SLC9C1: variants seen among roughly 807,000 people sequenced by gnomAD.
The protein encoded by SLC9C1 is solute carrier family 9 member C1.
A neutral mutation model predicts 140.9 loss-of-function variants in SLC9C1; 97 were observed. That is an observed-to-expected ratio of 0.69 (90% CI 0.58 to 0.82). The LOEUF (loss-of-function observed/expected upper bound fraction) is 0.82. SLC9C1 is among the 40% of genes least tolerant of loss of function. SLC9C1 has a pLI of 0.00. For synonymous variants in SLC9C1, 440 were observed against 442.6 expected, an observed-to-expected ratio of 0.99 and a Z score of 0.07; for missense variants, 1,340 against 1,389.3, an observed-to-expected ratio of 0.96 and a Z score of 0.56.
chr3:112,193,268 C>A (rs534535580), intron 20 of SLC9C1, among the ~76,000 whole-genome samples: 25 of 152,282 alleles, frequency 1.6e-4, no homozygotes, highest in African/African-American at 5.8e-4. Flanking sequence ...AGGGTTGGAG[C>A]CATGGGTCTG....
chr3:112,242,721 A>G (rs1393116520), intron 11 of SLC9C1, among the ~76,000 whole-genome samples: 1 of 152,204 alleles, frequency 6.6e-6, no homozygotes, highest in Non-Finnish European at 1.5e-5. Context: ...ACCTGAGGTG[A>G]TGGATACTCC....
chr3:112,174,433 A>C (rs1312237622), intron 23 of SLC9C1, among the ~76,000 whole-genome samples: 1 of 152,138 alleles, frequency 6.6e-6, no homozygotes, highest in East Asian at 1.9e-4. Context: ...TGTAGCCCTC[A>C]GGCTCTTTGT....
At chr3:112,279,992 A>G (rs1229064813) in intron 3 of SLC9C1, among the ~76,000 whole-genome samples, 1 of 152,222 alleles carries the variant, frequency 6.6e-6, no homozygotes, top group Non-Finnish European at 1.5e-5. Context: ...AGTAAAGCTT[A>G]TAGAAGTACT....
chr3:112,236,044 G>A (rs1259123693), intron 12 of SLC9C1, among the ~76,000 whole-genome samples: 2 of 152,134 alleles, frequency 1.3e-5, no homozygotes, highest in Non-Finnish European at 1.5e-5. Context: ...AGAAGGAATG[G>A]TACCAGCTCC....
chr3:112,229,635 ATG>A (rs2078769732), intron 13 of SLC9C1, among the ~76,000 whole-genome samples: 2 of 151,880 alleles, frequency 1.3e-5, no homozygotes, highest in African/African-American at 4.8e-5. Context: ...GTGTGCGTGT[ATG>A]TGTGTGTGTA....
intron 2 of SLC9C1, 91 bp from the exon 3 acceptor site, chr3:112,280,874 T>C (rs2108347950): frequency 8.6e-7 from 1 of 1,165,862 alleles, no homozygotes; most frequent in South Asian, 1.4e-5. Flanking sequence ...GTGAACAATG[T>C]CTTACAGTTT....
chr3:112,165,167 A>G (rs550045972), intron 26 of SLC9C1, among the ~76,000 whole-genome samples: 28 of 151,962 alleles, frequency 1.8e-4, no homozygotes, highest in African/African-American at 5.6e-4. Context: ...CTAGTTAGCC[A>G]TTCGTCTAAG....
chr3:112,242,807 A>C (rs1242695987), intron 11 of SLC9C1, among the ~76,000 whole-genome samples: 2 of 152,080 alleles, frequency 1.3e-5, no homozygotes, highest in Non-Finnish European at 2.9e-5. Flanking sequence ...ATATACAACT[A>C]CTATGTATCC....
At chr3:112,277,611 C>T (rs572625595) in intron 5 of SLC9C1, 84 bp downstream of exon 5, 34 of 1,228,194 alleles carry the variant, frequency 2.8e-5, no homozygotes, top group South Asian at 1.4e-4. Context: ...CAGTGAAAAG[C>T]TACCAAAAGC....
At chr3:112,211,990 TA>T (rs2078221525) in intron 15 of SLC9C1, among the ~76,000 whole-genome samples, 1 of 152,116 alleles carries the variant, frequency 6.6e-6, no homozygotes, top group Non-Finnish European at 1.5e-5. Context: ...CAAGGCCGAG[TA>T]ACCCTCTGAG....
intron 20 of SLC9C1, among the ~76,000 whole-genome samples, chr3:112,188,138 A>G (rs976336461): frequency 9.9e-5 from 15 of 152,200 alleles, no homozygotes; most frequent in African/African-American, 3.6e-4. Context: ...GCTGTTTATA[A>G]TATATGTTTG....
chr3:112,160,458 C>T (rs1268618481), intron 26 of SLC9C1, among the ~76,000 whole-genome samples: 1 of 142,664 alleles, frequency 7.0e-6, no homozygotes, highest in Non-Finnish European at 1.5e-5. Flanking sequence ...TGTGATGTTC[C>T]CCTTCCTGTG....
intron 13 of SLC9C1, among the ~76,000 whole-genome samples, chr3:112,222,059 A>G (rs202011279): frequency 6.7e-6 from 1 of 149,730 alleles, no homozygotes; most frequent in African/African-American, 2.5e-5. Flanking sequence ...GGATGAAAAA[A>G]CTTTTCCCAT....
chr3:112,188,841 C>A (rs537909043), intron 20 of SLC9C1, among the ~76,000 whole-genome samples: 2 of 152,198 alleles, frequency 1.3e-5, no homozygotes, highest in African/African-American at 4.8e-5. Context: ...CTAGTTTACA[C>A]TCCCACCAAC....
intron 2 of SLC9C1, among the ~76,000 whole-genome samples, chr3:112,285,188 A>G (rs934449400): frequency 6.6e-6 from 1 of 151,968 alleles, no homozygotes; most frequent in Non-Finnish European, 1.5e-5. Context: ...GTGTTTCACC[A>G]TGTTAGCCAG....
At chr3:112,217,247 C>T (rs2078404704) in intron 15 of SLC9C1, among the ~76,000 whole-genome samples, 195 bp downstream of exon 15, 1 of 152,064 alleles carries the variant, frequency 6.6e-6, no homozygotes, top group South Asian at 2.1e-4. Flanking sequence ...GGAGATATAC[C>T]TAATGTAAAT....
Position 112,278,783 on chromosome 3 carries a change from GA to G in SLC9C1, c.263del (p.Phe88SerfsTer22). On this transcript the variant is annotated frameshift_variant, in exon 4 of 29. Transcript: ENST00000305815. LOFTEE classifies it high-confidence loss of function. ...TATCCATGTCAAATGCAGTAGTAAA[GA>G]AAACTACTGGTGTAAATATACGAAA... ...LFFRIFTPVVFFTTAFDMDTY... is the reference protein window; with the variant it reads ...LFFRIFTPVVXFTTAFDMDTY... 1 of 1,610,996 alleles carries G rather than the reference GA, an allele frequency of 6.2e-7. No individual in the cohort carries two copies. Among genetic ancestry groups the G allele is most frequent in the Non-Finnish European group, 8.5e-7 (1 of 1,178,684 alleles).
At chr3:112,155,643 G>A (rs1168919050) in intron 26 of SLC9C1, among the ~76,000 whole-genome samples, 2 of 151,982 alleles carry the variant, frequency 1.3e-5, no homozygotes, top group African/African-American at 2.4e-5. Context: ...GAGAATTTCA[G>A]GAAAAATGAA....
At chr3:112,225,924 T>G (rs1280751038) in intron 13 of SLC9C1, among the ~76,000 whole-genome samples, 1 of 152,034 alleles carries the variant, frequency 6.6e-6, no homozygotes, top group Non-Finnish European at 1.5e-5. Flanking sequence ...AAGGCAAAAA[T>G]TATTAGATCT....
Sources: allele counts gnomAD v4.1 joint callset (sites outside exome capture counted in the v4.1 genomes callset), GRCh38; gene constraint gnomAD v4.1.1; transcripts MANE v1.5; gene names NCBI Gene and HGNC (gene_info 2026-07-23, HGNC 2026-07-21).